KIAA0232: variants seen among roughly 807,000 people sequenced by gnomAD.
KIAA0232 encodes KIAA0232.
A neutral mutation model predicts 122.0 loss-of-function variants in KIAA0232; 27 were observed. The ratio of observed to expected loss-of-function variants is 0.22; its 90% CI spans 0.16 to 0.31. KIAA0232 has a LOEUF of 0.31. KIAA0232 is among the 10% of genes least tolerant of loss of function. The probability of loss-of-function intolerance (pLI) is 1.00; values close to 1 mark genes in which losing one functional copy is unlikely to be tolerated. For synonymous variants in KIAA0232, 613 were observed against 587.6 expected (o/e 1.04, Z -0.63); for missense variants, 1,551 against 1,634.2 (o/e 0.95, Z 0.88).
At chr4:6,873,306 C>T (rs376450967) in intron 8 of KIAA0232, among the ~76,000 whole-genome samples, 15 of 152,342 alleles carry the variant, frequency 9.8e-5, no homozygotes, top group African/African-American at 3.4e-4. Context: ...CCCTCTACAG[C>T]AGCTGCCTGC....
At chr4:6,810,835 C>T (rs1366089936) in intron 2 of KIAA0232, among the ~76,000 whole-genome samples, 1 of 152,246 alleles carries the variant, frequency 6.6e-6, no homozygotes, top group African/African-American at 2.4e-5. Context: ...AAGAAAAGCT[C>T]AGCATCACCA....
intron 4 of KIAA0232, among the ~76,000 whole-genome samples, chr4:6,852,982 C>A (rs7682699): frequency 0.81 from 123,300 of 152,162 alleles, 50,453 homozygotes; most frequent in Non-Finnish European, 0.85. Context: ...CATTGGGGGC[C>A]CCAGAGTAAC....
rs1720876697 is a variant in KIAA0232 at position 6,861,665 on chromosome 4, A to G, written c.1283A>G (p.Gln428Arg). 1 of 1,614,152 alleles carries G rather than the reference A, an allele frequency of 6.2e-7. No individual in the cohort carries two copies. Among genetic ancestry groups the G allele is most frequent in the Non-Finnish European group, 8.5e-7 (1 of 1,180,034 alleles). Residue 428 changes from glutamine (Q) to arginine (R), a missense_variant, in exon 7 of 10, where the codon CAG becomes CGG. Physicochemically the swap from Gln to Arg is conservative, Grantham distance 43 (BLOSUM62 1). Transcript: ENST00000307659. ...CTAGAGACCACATACCGAAACAGAC[A>G]GGATACAAGTGATCTGACATCAGAG... Reference protein sequence around the residue: ...SKLETTYRNRQDTSDLTSEAV... With the variant: ...SKLETTYRNRRDTSDLTSEAV...
chr4:6,825,843 C>T (rs1419499256), intron 3 of KIAA0232, among the ~76,000 whole-genome samples: 1 of 152,172 alleles, frequency 6.6e-6, no homozygotes, highest in African/African-American at 2.4e-5. Flanking sequence ...GTTACCCACA[C>T]TGAGAGCAGG....
chr4:6,817,004 G>A (rs1718162262), intron 2 of KIAA0232, among the ~76,000 whole-genome samples: 1 of 152,102 alleles, frequency 6.6e-6, no homozygotes, highest in Non-Finnish European at 1.5e-5. Context: ...TCTGGCTAGA[G>A]GTTAAAGAAC....
Position 6,820,499 on chromosome 4 carries a change from CATT to C in KIAA0232, c.-269-3678_-269-3676del, listed in dbSNP as rs938977746. Among the ~76,000 whole-genome samples, 6 of 152,236 alleles carry C rather than the reference CATT, an allele frequency of 3.9e-5. No individual in the cohort carries two copies. In the South Asian group the frequency reaches 6.3e-4, roughly 16 times the overall value. On this transcript the variant is annotated intron_variant, in intron 2 of 9. Coordinates refer to ENST00000307659, the MANE Select transcript of KIAA0232 (RefSeq NM_014743.3). ...TTGATGTGTTTAGGTCATTTACATT[CATT>C]ATTATTAACAGCTATGTTATTAGAA...
intron 2 of KIAA0232, among the ~76,000 whole-genome samples, chr4:6,816,493 A>C (rs1718134678): frequency 6.6e-6 from 1 of 152,104 alleles, no homozygotes; most frequent in Non-Finnish European, 1.5e-5. Context: ...CGTGTTAGCC[A>C]GGATGGTATC....
chr4:6,845,245 G>C (rs973259802), intron 4 of KIAA0232, among the ~76,000 whole-genome samples: 10 of 152,246 alleles, frequency 6.6e-5, no homozygotes, highest in Admixed American at 2.6e-4. Flanking sequence ...GCCCTGGTGA[G>C]GGGGCAGGGC....
chr4:6,820,592 A>C (rs941458372), intron 2 of KIAA0232, among the ~76,000 whole-genome samples: 4 of 151,650 alleles, frequency 2.6e-5, no homozygotes, highest in Non-Finnish European at 5.9e-5. Flanking sequence ...ACATTTCCCC[A>C]CTCCTGGCCT....
chr4:6,817,688 A>G (rs949736571), intron 2 of KIAA0232, among the ~76,000 whole-genome samples: 4 of 152,122 alleles, frequency 2.6e-5, no homozygotes, highest in Non-Finnish European at 4.4e-5. Flanking sequence ...TCTTAGGTCA[A>G]GTTGGTTAAT....
In KIAA0232 at chr4:6,851,972, T is replaced by A. The variant is rs1399097782; in HGVS notation, c.370-5192T>A. Among the ~76,000 whole-genome samples the A allele has an allele frequency of 3.3e-5, 5 of 152,284 alleles. No homozygotes were observed. In the East Asian group the frequency reaches 9.6e-4, roughly 29 times the overall value. On this transcript the variant is annotated intron_variant, in intron 4 of 9. Transcript: ENST00000307659. ...GAGCGGGGTTACCTTTTTCTAAGCC[T>A]CGATTGGTCATATTATTTAATTATT...
intron 4 of KIAA0232, among the ~76,000 whole-genome samples, chr4:6,851,815 G>A (rs533589483): frequency 8.8e-4 from 133 of 151,312 alleles, no homozygotes; most frequent in Non-Finnish European, 1.6e-3. Flanking sequence ...AATTCAAGTT[G>A]AAGTATTTTC....
At chr4:6,817,916 A>G (rs957568931) in intron 2 of KIAA0232, among the ~76,000 whole-genome samples, 1 of 152,160 alleles carries the variant, frequency 6.6e-6, no homozygotes, top group Non-Finnish European at 1.5e-5. Flanking sequence ...ATCATTATGA[A>G]TTGACCTTCT....
Position 6,831,334 on chromosome 4 carries a change from G to A in KIAA0232, c.231+6650G>A, listed in dbSNP as rs571210298. Among the ~76,000 whole-genome samples the A allele has an allele frequency of 3.9e-3, 598 of 152,306 alleles. 22 individuals carry two copies. Among genetic ancestry groups the A allele is most frequent in the Non-Finnish European group, 9.0e-4 (61 of 68,034 alleles). On this transcript the variant is annotated intron_variant, in intron 3 of 9. Transcript: ENST00000307659. The stretch of plus-strand genomic sequence containing the variant: ...CTCCCAAAGCGCTGGGATTACAGGC[G>A]TGAGCCACCACACCTGGCCGATTTT...
intron 4 of KIAA0232, among the ~76,000 whole-genome samples, chr4:6,844,408 T>C (rs1164316260): frequency 3.3e-5 from 5 of 152,136 alleles, no homozygotes; most frequent in Non-Finnish European, 5.9e-5. Context: ...ACCTCTGATT[T>C]TTTAACTTCT....
At chr4:6,818,763 A>G (rs1315928810) in intron 2 of KIAA0232, among the ~76,000 whole-genome samples, 1 of 151,956 alleles carries the variant, frequency 6.6e-6, no homozygotes, top group Non-Finnish European at 1.5e-5. Flanking sequence ...CAGCCAGAGT[A>G]GCCGAAGCAA....
chr4:6,829,930 A>G (rs997978047), intron 3 of KIAA0232, among the ~76,000 whole-genome samples: 27 of 152,274 alleles, frequency 1.8e-4, no homozygotes, highest in Non-Finnish European at 3.7e-4. Flanking sequence ...AACCCCAAAT[A>G]TGCTTTCGTT....
chr4:6,797,080 A>T (rs1717163260), intron 1 of KIAA0232, among the ~76,000 whole-genome samples: 1 of 152,204 alleles, frequency 6.6e-6, no homozygotes, highest in South Asian at 2.1e-4. Context: ...TTTTCTTTAG[A>T]CATTATACTT....
chr4:6,788,381 A>G (rs560412859), intron 1 of KIAA0232, among the ~76,000 whole-genome samples: 159 of 152,340 alleles, frequency 1.0e-3, no homozygotes, highest in African/African-American at 3.4e-3. Flanking sequence ...TTATTGGCAG[A>G]CTACTCTGAA....
Sources: gnomAD v4.1 joint callset for allele counts (sites outside exome capture counted in the v4.1 genomes callset) on GRCh38, gnomAD v4.1.1 for gene constraint, MANE v1.5 for transcripts, NCBI Gene and HGNC (gene_info 2026-07-23, HGNC 2026-07-21) for gene names.